MGMT: variants seen among roughly 807,000 people sequenced by gnomAD.
The protein encoded by MGMT is O-6-methylguanine-DNA methyltransferase.
MGMT carries 14 observed loss-of-function variants against 15.9 expected under a neutral mutation model. That is an observed-to-expected ratio of 0.88 (90% CI 0.58 to 1.37). The LOEUF is 1.37. Ranked by LOEUF, MGMT falls within the 40% of genes most tolerant of loss-of-function variation. MGMT has a pLI of 0.00. For missense variants in MGMT, 282 were observed against 268.1 expected (o/e 1.05, Z -0.36); for synonymous variants, 130 against 118.2 (o/e 1.10, Z -0.65).
At chr10:129,687,849 C>T (rs374434285) in intron 2 of MGMT, among the ~76,000 whole-genome samples, 21 of 151,716 alleles carry the variant, frequency 1.4e-4, no homozygotes, top group Admixed American at 2.6e-4. Flanking sequence ...CCTCCCCCAG[C>T]CCCCCACCCC....
chr10:129,735,051 G>C (rs1157042701), intron 3 of MGMT, among the ~76,000 whole-genome samples: 1 of 152,058 alleles, frequency 6.6e-6, no homozygotes, highest in Non-Finnish European at 1.5e-5. Flanking sequence ...GCCCAGCTTT[G>C]GTATCAGGAT....
At chr10:129,581,693 A>G (rs1384623924) in intron 2 of MGMT, among the ~76,000 whole-genome samples, 2 of 152,200 alleles carry the variant, frequency 1.3e-5, no homozygotes, top group Non-Finnish European at 2.9e-5. Flanking sequence ...CCAGAGTTCA[A>G]GGCCTCCTAA....
chr10:129,663,691 T>G (rs1308387581), intron 2 of MGMT, among the ~76,000 whole-genome samples: 1 of 152,150 alleles, frequency 6.6e-6, no homozygotes, highest in Non-Finnish European at 1.5e-5. Context: ...AGAGACTAAT[T>G]TGCAAATAAA....
chr10:129,503,076 A>G (rs1432953616), intron 1 of MGMT, among the ~76,000 whole-genome samples: 1 of 151,546 alleles, frequency 6.6e-6, no homozygotes, highest in Non-Finnish European at 1.5e-5. Flanking sequence ...TAAAAGGGAG[A>G]GCAGTTAATG....
At chr10:129,538,881 G>A (rs111520979) in intron 2 of MGMT, among the ~76,000 whole-genome samples, 1,585 of 152,258 alleles carry the variant, frequency 0.01, 18 homozygotes, top group African/African-American at 0.035. Context: ...TGATCTGCCT[G>A]CCTCGGCCTC....
chr10:129,718,664 C>G (rs1299939874), intron 3 of MGMT, among the ~76,000 whole-genome samples: 1 of 152,072 alleles, frequency 6.6e-6, no homozygotes, highest in Non-Finnish European at 1.5e-5. Context: ...CCTTCCCGGG[C>G]TGTCAAGAGC....
chr10:129,542,034 G>A (rs1158680567), intron 2 of MGMT, among the ~76,000 whole-genome samples: 1 of 152,140 alleles, frequency 6.6e-6, no homozygotes, highest in East Asian at 1.9e-4. Context: ...TATCCTGCCG[G>A]GCCTCTGTGT....
chr10:129,732,380 C>A lies in MGMT; in HGVS notation c.274+24337C>A, dbSNP rs539187761. Among the ~76,000 whole-genome samples the A allele has an allele frequency of 2.0e-5, 3 of 148,374 alleles. No homozygotes were observed. In the South Asian group the frequency reaches 6.7e-4, roughly 33 times the overall value. On this transcript the variant is annotated intron_variant, in intron 3 of 4. Coordinates refer to ENST00000651593, the MANE Select transcript of MGMT (RefSeq NM_002412.5). ...CCATGTGTTCTCATTGTTCAGTTCC[C>A]ACCTGTGAGTGAGAACATGCGGTGT... is the stretch of plus-strand genomic sequence containing the variant.
chr10:129,568,501 G>C (rs1846380702), intron 2 of MGMT, among the ~76,000 whole-genome samples: 1 of 152,088 alleles, frequency 6.6e-6, no homozygotes, highest in African/African-American at 2.4e-5. Flanking sequence ...AAAACTAATT[G>C]ATCTTGGTCC....
intron 2 of MGMT, among the ~76,000 whole-genome samples, chr10:129,572,390 A>G (rs1031502949): frequency 2.6e-5 from 4 of 152,236 alleles, no homozygotes; most frequent in African/African-American, 9.6e-5. Flanking sequence ...CAGAGAAATT[A>G]ATTTAAATCA....
At chr10:129,612,746 A>G (rs2133069319) in intron 2 of MGMT, among the ~76,000 whole-genome samples, 1 of 152,372 alleles carries the variant, frequency 6.6e-6, no homozygotes, top group Non-Finnish European at 1.5e-5. Flanking sequence ...AGGTGGTTCC[A>G]GAGAAAAACG....
At chr10:129,547,961 G>A (rs1249681743) in intron 2 of MGMT, among the ~76,000 whole-genome samples, 2 of 152,208 alleles carry the variant, frequency 1.3e-5, no homozygotes, top group Non-Finnish European at 2.9e-5. Context: ...GAGGTCTCTC[G>A]TCAGCCGAAG....
chr10:129,651,685 C>G (rs772621692), intron 2 of MGMT, among the ~76,000 whole-genome samples: 1 of 152,070 alleles, frequency 6.6e-6, no homozygotes, highest in Non-Finnish European at 1.5e-5. Context: ...CCTGAGAGAA[C>G]GTGCTCATCC....
At chr10:129,550,556 C>T (rs771539531) in intron 2 of MGMT, among the ~76,000 whole-genome samples, 2 of 151,892 alleles carry the variant, frequency 1.3e-5, no homozygotes, top group South Asian at 2.1e-4. Context: ...AAGTGATTCT[C>T]GCGCCTCAGC....
intron 1 of MGMT, among the ~76,000 whole-genome samples, chr10:129,468,350 T>G (rs1845194039): frequency 6.6e-6 from 1 of 152,168 alleles, no homozygotes; most frequent in South Asian, 2.1e-4. Flanking sequence ...AGAGCCTGGC[T>G]GATTGTTAAT....
At chr10:129,517,849 T>A (rs1222848098) in intron 1 of MGMT, among the ~76,000 whole-genome samples, 1 of 152,202 alleles carries the variant, frequency 6.6e-6, no homozygotes, top group Non-Finnish European at 1.5e-5. Flanking sequence ...GGACTGCTGA[T>A]TGAATGAATG....
intron 2 of MGMT, among the ~76,000 whole-genome samples, chr10:129,578,511 C>T (rs1047023448): frequency 2.7e-5 from 4 of 147,520 alleles, no homozygotes; most frequent in South Asian, 2.2e-4. Flanking sequence ...GGAAGGGGAA[C>T]ATCACACACT....
intron 2 of MGMT, among the ~76,000 whole-genome samples, chr10:129,602,213 T>G (rs1846831589): frequency 6.6e-6 from 1 of 152,216 alleles, no homozygotes; most frequent in African/African-American, 2.4e-5. Context: ...TATTGCTTTT[T>G]TTTTAAAGTA....
chr10:129,502,190 CA>C (rs1845581137), intron 1 of MGMT, among the ~76,000 whole-genome samples: 1 of 152,170 alleles, frequency 6.6e-6, no homozygotes, highest in Non-Finnish European at 1.5e-5. Context: ...GGCCGCAGTC[CA>C]GGCTTTGAAG....
Sources: allele counts gnomAD v4.1 joint callset (sites outside exome capture counted in the v4.1 genomes callset), GRCh38; gene constraint gnomAD v4.1.1; transcripts MANE v1.5; gene names NCBI Gene and HGNC (gene_info 2026-07-23, HGNC 2026-07-21).